MIX23: variants seen among roughly 807,000 people sequenced by gnomAD.
MIX23 encodes the protein mitochondrial matrix import factor 23.
Under a neutral mutation model 21.6 loss-of-function variants are expected in MIX23, and 13 were observed. The ratio of observed to expected loss-of-function variants is 0.60; its 90% CI spans 0.39 to 0.96. The LOEUF is 0.96. Among genes scored for constraint, MIX23 ranks in the 40% least tolerant of loss-of-function variants. The probability of loss-of-function intolerance (pLI) is 0.00; values close to 1 mark genes in which losing one functional copy is unlikely to be tolerated. For synonymous variants in MIX23, 59 were observed against 58.0 expected (o/e 1.02, Z -0.08); for missense variants, 144 against 171.2 (o/e 0.84, Z 0.89).
intron 1 of MIX23, among the ~76,000 whole-genome samples, chr3:122,375,549 T>C (rs1376992232): frequency 2.6e-5 from 4 of 152,214 alleles, no homozygotes; most frequent in African/African-American, 4.8e-5. Context: ...TATGTGGTAG[T>C]AGCGAACAGA....
chr3:122,361,065 G>A (rs1300355508), intron 4 of MIX23, among the ~76,000 whole-genome samples: 5 of 152,026 alleles, frequency 3.3e-5, no homozygotes, highest in Admixed American at 2.6e-4. Context: ...GGCTGGTATC[G>A]AACTCCTGAC....
At chr3:122,379,633 G>A (rs1482975023) in intron 1 of MIX23, among the ~76,000 whole-genome samples, 1 of 152,088 alleles carries the variant, frequency 6.6e-6, no homozygotes, top group East Asian at 1.9e-4. Flanking sequence ...AAAATACATA[G>A]AAGACACCCC....
At chr3:122,378,997 A>G (rs1421892523) in intron 1 of MIX23, among the ~76,000 whole-genome samples, 1 of 152,244 alleles carries the variant, frequency 6.6e-6, no homozygotes, top group African/African-American at 2.4e-5. Context: ...AGAAAGTCCT[A>G]CTGGACAGTG....
At position 122,371,788 on chromosome 3, in the gene MIX23, C is replaced by T; in HGVS notation, c.64G>A (p.Val22Met). ...EFAEFQELLK[V>M]MRTIDDRIVH... is the part of the protein sequence containing the mutation. ...ATTCTGTCATCAATTGTCCTCATCA[C>T]CTTGAGTAATTCCTATATGTATTTA... is the stretch of plus-strand genomic sequence containing the variant. The change falls in exon 2 of 5, where the codon GTG becomes ATG. Residue 22 changes from valine (V) to methionine (M), a missense_variant. By Grantham distance (21) the Val-to-Met change is conservative. Coordinates refer to ENST00000291458, the MANE Select transcript of MIX23 (RefSeq NM_001017928.4). 6.3e-7 allele frequency: 1 copy of T among 1,599,936 alleles called. No homozygotes were observed. Among genetic ancestry groups the T allele is most frequent in the South Asian group, 1.1e-5 (1 of 90,620 alleles).
intron 2 of MIX23, among the ~76,000 whole-genome samples, chr3:122,368,695 C>G (rs1047361120): frequency 2.0e-5 from 3 of 152,182 alleles, no homozygotes; most frequent in African/African-American, 7.2e-5. Flanking sequence ...ACCACCCGCA[C>G]ACACCTGGCC....
At chr3:122,375,848 T>C (rs2075482042) in intron 1 of MIX23, among the ~76,000 whole-genome samples, 2 of 152,046 alleles carry the variant, frequency 1.3e-5, no homozygotes, top group South Asian at 4.1e-4. Flanking sequence ...TACTGGGTAC[T>C]TACCCAAAGG....
At chr3:122,362,302 CTG>C (rs1163975161) in intron 4 of MIX23, among the ~76,000 whole-genome samples, 6 of 152,094 alleles carry the variant, frequency 3.9e-5, no homozygotes, top group Admixed American at 6.5e-5. Context: ...CGGAAAGTAA[CTG>C]AGCTCAAAAA....
chr3:122,359,830 T>TTAA lies in MIX23; in HGVS notation c.*38_*39insTTA, dbSNP rs777269009. ...AGCTCTTATGAGATGACCCAGTCCT[T>TTAA]AAAAAAAAAAAAAAAAAAAAAAAAA... is the stretch of plus-strand genomic sequence containing the variant. On this transcript the variant is annotated 3_prime_UTR_variant, in exon 5 of 5. Transcript: ENST00000291458. 210 of 1,007,794 alleles carry TTAA rather than the reference T, an allele frequency of 2.1e-4. 5 individuals are homozygous for TTAA. In the African/African-American group the frequency reaches 5.9e-3, roughly 28 times the overall value. The allele number at this position is 1,007,794 out of a possible 1,614,324, so 62.4% of individuals were successfully genotyped here.
chr3:122,371,728 A>C lies in MIX23; in HGVS notation c.124T>G (p.Ser42Ala), dbSNP rs2107682203. The part of the protein sequence containing the change: ...HELNTTVPTA[S>A]FAGKIDASQT... The stretch of plus-strand genomic sequence containing the variant: ...CTGGCATCAATTTTCCCTGCAAAGG[A>C]AGCTGTTGGAACCGTAGTGTTTAAT... Residue 42 changes from serine to alanine, a missense_variant, in exon 2 of 5, where the codon TCC becomes GCC. Ser to Ala is a moderately conservative substitution (Grantham distance 99). Coordinates refer to ENST00000291458, the MANE Select transcript of MIX23 (RefSeq NM_001017928.4). 1 of 1,612,454 alleles carries C rather than the reference A, an allele frequency of 6.2e-7. No individual in the cohort carries two copies. Among genetic ancestry groups the C allele is most frequent in the South Asian group, 1.1e-5 (1 of 91,032 alleles).
At chr3:122,377,968 G>A (rs2075501154) in intron 1 of MIX23, among the ~76,000 whole-genome samples, 1 of 152,208 alleles carries the variant, frequency 6.6e-6, no homozygotes, top group Admixed American at 6.5e-5. Context: ...AAGGTAATGT[G>A]GCTTAAGTAC....
rs759993941 is a variant in MIX23 at position 122,359,623 on chromosome 3, CAA to C, written c.*244_*245del. The C allele has an allele frequency of 1.2e-3, 280 of 230,958 alleles. 1 individual carries two copies. The highest frequency in any genetic ancestry group is 2.0e-3 in the Admixed American group (32 of 16,078). The allele number at this position is 230,958 out of a possible 1,614,324, so 14.3% of individuals were successfully genotyped here. A position where few individuals can be genotyped will look rare whatever the true frequency, so the allele number is the denominator to read the frequency against. On this transcript the variant is annotated 3_prime_UTR_variant, in exon 5 of 5. Transcript: ENST00000291458. ...AGTCAGAAAATTATTTTAATAGTTA[CAA>C]AAATTTTTTTTTTTTTTTTTTACAG...
At chr3:122,360,463 A>T (rs919329277) in intron 4 of MIX23, among the ~76,000 whole-genome samples, 2 of 152,244 alleles carry the variant, frequency 1.3e-5, no homozygotes, top group Non-Finnish European at 1.5e-5. Flanking sequence ...AAATACACAC[A>T]CACATAAAAT....
At chr3:122,370,115 TATG>T (rs963522277) in intron 2 of MIX23, among the ~76,000 whole-genome samples, 2 of 152,318 alleles carry the variant, frequency 1.3e-5, no homozygotes, top group African/African-American at 4.8e-5. Flanking sequence ...CCAACAACTC[TATG>T]AACTAGGTAC....
chr3:122,377,430 G>A (rs80283500), intron 1 of MIX23, among the ~76,000 whole-genome samples: 1,645 of 152,256 alleles, frequency 0.011, 40 homozygotes, highest in African/African-American at 0.038. Context: ...TGTAGAAAGC[G>A]AAGGAGGCCA....
chr3:122,383,217 G>A lies in MIX23; in HGVS notation c.8C>T (p.Ala3Val), dbSNP rs945496108. ...CTCACAGTTCACACCGCCACTGGGC[G>A]CCGCCATATTGGACAAACACGAGGA... MA[A>V]PSGGVNCEEF... Residue 3 changes from alanine to valine, a missense_variant, in exon 1 of 5, where the codon GCG becomes GTG. By Grantham distance (64) the Ala-to-Val change is moderately conservative. Transcript: ENST00000291458. The A allele has an allele frequency of 1.2e-6, 2 of 1,612,778 alleles. No individual in the cohort carries two copies. The highest frequency in any genetic ancestry group is 2.2e-5 in the East Asian group (1 of 44,882).
chr3:122,379,972 G>A (rs2075517947), intron 1 of MIX23, among the ~76,000 whole-genome samples: 1 of 152,174 alleles, frequency 6.6e-6, no homozygotes, highest in Non-Finnish European at 1.5e-5. Context: ...CATCCTCTTG[G>A]AAGGCAATTT....
intron 1 of MIX23, among the ~76,000 whole-genome samples, chr3:122,378,032 G>A (rs2075501721): frequency 1.3e-5 from 2 of 152,168 alleles, no homozygotes; most frequent in Non-Finnish European, 2.9e-5. Flanking sequence ...GAGGTCATAT[G>A]ATAGGATTTT....
chr3:122,363,291 A>T (rs112435502), intron 3 of MIX23, among the ~76,000 whole-genome samples: 2 of 152,030 alleles, frequency 1.3e-5, no homozygotes, highest in African/African-American at 2.4e-5. Flanking sequence ...TCCCAAGGCC[A>T]GTCAGTTCAC....
chr3:122,371,654 A>G, intron 2 of MIX23, 21 bp downstream of exon 2: 2 of 1,611,004 alleles, frequency 1.2e-6, no homozygotes, highest in East Asian at 2.2e-5. Flanking sequence ...AAGAAGCAAA[A>G]GACTCAAAAA....
Sources: gnomAD v4.1 joint callset for allele counts (sites outside exome capture counted in the v4.1 genomes callset) on GRCh38, gnomAD v4.1.1 for gene constraint, MANE v1.5 for transcripts, NCBI Gene and HGNC (gene_info 2026-07-23, HGNC 2026-07-21) for gene names.